Variants in DPP10 observed in about 807,000 individuals in gnomAD.
DPP10 encodes the protein dipeptidyl peptidase like 10.
DPP10 carries 33 observed loss-of-function variants against 120.9 expected under a neutral mutation model. That is an observed-to-expected ratio of 0.27 (90% CI 0.21 to 0.37). The LOEUF is 0.37. Ranked by LOEUF, DPP10 falls within the 10% of genes least tolerant of loss-of-function variation. DPP10 has a pLI of 1.00. For synonymous variants in DPP10, 337 were observed against 326.1 expected (o/e 1.03, Z -0.36); for missense variants, 816 against 942.8 (o/e 0.87, Z 1.76).
intron 10 of DPP10, among the ~76,000 whole-genome samples, chr2:115,746,516 A>T (rs1445606460): frequency 6.6e-6 from 1 of 152,084 alleles, no homozygotes; most frequent in Non-Finnish European, 1.5e-5. Context: ...ATTTTTTTTG[A>T]AGGTGTTCAT....
intron 5 of DPP10, among the ~76,000 whole-genome samples, chr2:115,672,634 T>TTCTCTCTC (rs2089962027): frequency 1.3e-5 from 2 of 148,260 alleles, no homozygotes; most frequent in Non-Finnish European, 3.0e-5. Context: ...CTTTCTTTCT[T>TTCTCTCTC]TCTTTCTTTC....
intron 1 of DPP10, among the ~76,000 whole-genome samples, chr2:115,219,767 A>G (rs2057038884): frequency 6.6e-6 from 1 of 152,230 alleles, no homozygotes; most frequent in Non-Finnish European, 1.5e-5. Flanking sequence ...AACATCTCAC[A>G]GAGAGCTTTG....
chr2:114,971,597 A>G (rs1574604363), intron 1 of DPP10, among the ~76,000 whole-genome samples: 1 of 152,174 alleles, frequency 6.6e-6, no homozygotes, highest in Non-Finnish European at 1.5e-5. Context: ...ACAAAATTAT[A>G]CTTTTTCTAT....
At chr2:114,487,770 A>G (rs1348544274) in intron 1 of DPP10, among the ~76,000 whole-genome samples, 3 of 152,312 alleles carry the variant, frequency 2.0e-5, no homozygotes, top group African/African-American at 7.2e-5. Flanking sequence ...ACATAAGTAA[A>G]TCCAGAGGTT....
intron 5 of DPP10, among the ~76,000 whole-genome samples, chr2:115,625,146 T>G (rs1055179797): frequency 6.6e-6 from 1 of 152,222 alleles, no homozygotes; most frequent in East Asian, 1.9e-4. Context: ...ATACGTTGAA[T>G]AGCAGAATGA....
intron 1 of DPP10, among the ~76,000 whole-genome samples, chr2:114,915,921 TATG>T (rs1349819802): frequency 2.1e-4 from 32 of 152,090 alleles, no homozygotes; most frequent in African/African-American, 7.5e-4. Context: ...TCTAACATCA[TATG>T]TAGAGGAACT....
intron 3 of DPP10, among the ~76,000 whole-genome samples, chr2:115,358,489 A>G (rs188058549): frequency 4.4e-4 from 67 of 152,224 alleles, no homozygotes; most frequent in African/African-American, 1.5e-3. Flanking sequence ...ACTTTCTCAC[A>G]TCTGTCTGTC....
At chr2:115,612,371 C>T (rs896456459) in intron 5 of DPP10, among the ~76,000 whole-genome samples, 4 of 152,140 alleles carry the variant, frequency 2.6e-5, no homozygotes, top group African/African-American at 9.7e-5. Context: ...TTAATGTGAT[C>T]ATTACCCTTG....
chr2:114,931,424 A>G (rs985647410), intron 1 of DPP10, among the ~76,000 whole-genome samples: 2 of 152,210 alleles, frequency 1.3e-5, no homozygotes, highest in African/African-American at 4.8e-5. Context: ...CAGTGAGGCC[A>G]TGCCTTGCTC....
chr2:114,900,185 G>C lies in DPP10; in HGVS notation c.61-409054G>C, dbSNP rs77957428. Among the ~76,000 whole-genome samples the C allele has an allele frequency of 8.7e-3, 1,324 of 152,270 alleles. 17 individuals carry two copies. The highest frequency in any genetic ancestry group is 0.03 in the African/African-American group (1,257 of 41,546). On this transcript the variant is annotated intron_variant, in intron 1 of 25. Coordinates refer to ENST00000410059, the MANE Select transcript of DPP10 (RefSeq NM_020868.6). ...ACGTACACTTAAATTTTTGTCAAGA[G>C]GGTAGGACTTCACATTGGGTTCTTA...
chr2:114,448,544 C>A (rs557524616), intron 1 of DPP10, among the ~76,000 whole-genome samples: 13 of 152,262 alleles, frequency 8.5e-5, no homozygotes, highest in Non-Finnish European at 1.8e-4. Context: ...AATGCAAATT[C>A]TTGGACTCTA....
rs773176791 is a variant in DPP10, at chr2:115,499,566, A to G, written c.328A>G (p.Thr110Ala). The change falls in exon 4 of 26, where the codon ACA (threonine) becomes GCA (alanine). Residue 110 changes from threonine to alanine, a missense_variant. Thr to Ala is a moderately conservative substitution (Grantham distance 58). This residue lies in a region of DPP10 where 182 missense variants were observed against 207.4 expected (regional missense o/e 0.88). Transcript: ENST00000410059. ...NGHVIKLNIE[T>A]NATTLLLENT... ...ACATGTCATTAAACTGAATATAGAA[A>G]CAAATGCTACCACATTATTATTGGA... 6.2e-7 allele frequency: 1 copy of G among 1,611,812 alleles called. No homozygotes were observed. Among genetic ancestry groups the G allele is most frequent in the East Asian group, 2.2e-5 (1 of 44,766 alleles).
At chr2:115,579,981 ACCCCCTGGCAGG>A (rs1411708344) in intron 5 of DPP10, 2 of 151,122 alleles carry the variant, frequency 1.3e-5, no homozygotes, top group East Asian at 3.9e-4. Flanking sequence ...CCCCCACTCC[ACCCCCTGGCAGG>A]CCCCAGTGTG....
At chr2:115,475,575 G>T (rs1281517982) in intron 3 of DPP10, among the ~76,000 whole-genome samples, 1 of 152,172 alleles carries the variant, frequency 6.6e-6, no homozygotes, top group African/African-American at 2.4e-5. Context: ...TAGTGGAGCT[G>T]TGAGAAGAGG....
intron 1 of DPP10, among the ~76,000 whole-genome samples, chr2:115,235,995 G>C (rs191257354): frequency 9.9e-4 from 151 of 152,158 alleles, no homozygotes; most frequent in African/African-American, 3.4e-3. Flanking sequence ...AATTCCTTAG[G>C]TCATAACTAA....
chr2:115,155,683 CAG>C (rs1023888396), intron 1 of DPP10, among the ~76,000 whole-genome samples: 1 of 152,076 alleles, frequency 6.6e-6, no homozygotes, highest in African/African-American at 2.4e-5. Context: ...AACTTACTGA[CAG>C]AGGAATGAGG....
intron 1 of DPP10, among the ~76,000 whole-genome samples, chr2:114,658,195 A>T (rs1379418891): frequency 6.6e-6 from 1 of 152,164 alleles, no homozygotes; most frequent in Non-Finnish European, 1.5e-5. Context: ...AATTTCATTA[A>T]GAGACTACCA....
chr2:115,109,205 A>G (rs545094824), intron 1 of DPP10, among the ~76,000 whole-genome samples: 1 of 152,236 alleles, frequency 6.6e-6, no homozygotes, highest in Admixed American at 6.5e-5. Flanking sequence ...GGGATTTCTT[A>G]ACCCTAATGC....
chr2:114,520,015 A>G (rs185362114), intron 1 of DPP10, among the ~76,000 whole-genome samples: 1 of 152,370 alleles, frequency 6.6e-6, no homozygotes, highest in Non-Finnish European at 1.5e-5. Flanking sequence ...ACCAAGAAAA[A>G]AGAAAATTCT....
Sources: gnomAD v4.1 joint callset for allele counts (sites outside exome capture counted in the v4.1 genomes callset) on GRCh38, gnomAD v4.1.1 for gene constraint, gnomAD v4.1.1 regional missense constraint, MANE v1.5 for transcripts, NCBI Gene and HGNC (gene_info 2026-07-23, HGNC 2026-07-21) for gene names.